Variants in DENND10 observed in about 807,000 individuals in gnomAD.
DENND10 encodes the protein DENN domain-containing protein 10.
Under a neutral mutation model 43.6 loss-of-function variants are expected in DENND10, and 24 were observed. That is an observed-to-expected ratio of 0.55 (90% CI 0.40 to 0.77). The LOEUF is 0.77. Ranked by LOEUF, DENND10 falls within the 30% of genes least tolerant of loss-of-function variation. The pLI is 0.00. For synonymous variants in DENND10, 125 were observed against 157.6 expected (o/e 0.79, Z 1.55); for missense variants, 303 against 429.9 (o/e 0.70, Z 2.61).
intron 8 of DENND10, among the ~76,000 whole-genome samples, chr10:119,135,372 A>G (rs889064771): frequency 6.6e-6 from 1 of 152,188 alleles, no homozygotes; most frequent in African/African-American, 2.4e-5. Context: ...AGTGTCCTTC[A>G]GCAGATGAAT....
intron 5 of DENND10, among the ~76,000 whole-genome samples, chr10:119,122,082 A>T (rs1361615991): frequency 6.6e-6 from 1 of 151,980 alleles, no homozygotes. Flanking sequence ...TGAGGTTAGC[A>T]GATTGCCTGA....
intron 6 of DENND10, 184 bp from the exon 7 acceptor site, chr10:119,129,331 G>T (rs1431583829): frequency 3.4e-6 from 2 of 587,682 alleles, no homozygotes; most frequent in Non-Finnish European, 6.1e-6. Flanking sequence ...ATCTGGCGTT[G>T]TGTGAATATC....
intron 5 of DENND10, among the ~76,000 whole-genome samples, chr10:119,121,749 G>A (rs115364166): frequency 0.015 from 2,316 of 151,908 alleles, 52 homozygotes; most frequent in African/African-American, 0.053. Flanking sequence ...CACTGTGCCC[G>A]GCCAGGTCCT....
At chr10:119,129,472 AT>A in intron 6 of DENND10, 42 bp from the exon 7 acceptor site, 1 of 1,322,602 alleles carries the variant, frequency 7.6e-7, no homozygotes, top group Non-Finnish European at 1.1e-6. Context: ...GGTTCACCAT[AT>A]TTCTTCCTAC....
intron 4 of DENND10, among the ~76,000 whole-genome samples, chr10:119,118,340 A>G (rs1336844325): frequency 6.6e-6 from 1 of 152,070 alleles, no homozygotes; most frequent in Non-Finnish European, 1.5e-5. Context: ...CATGGATTAC[A>G]TTTCTTTTCT....
rs1273088311 is a variant in DENND10 at position 119,137,408 on chromosome 10, A to G, written c.*761A>G. ...TAAACTAAGAAGCCCATTGAATATA[A>G]AAGTGTGTAGGACTGAAACAGTGAC... On this transcript the variant is annotated 3_prime_UTR_variant, in exon 9 of 9. Transcript: ENST00000361432. 2 of 158,594 alleles carry G rather than the reference A, an allele frequency of 1.3e-5. No individual in the cohort carries two copies. Among genetic ancestry groups the G allele is most frequent in the African/African-American group, 5.5e-5 (2 of 36,184 alleles). 9.8% of individuals were successfully genotyped at this position (158,594 alleles called of 1,614,324 possible).
At chr10:119,120,201 T>C in intron 4 of DENND10, 140 bp from the exon 5 acceptor site, 1 of 536,364 alleles carries the variant, frequency 1.9e-6, no homozygotes. Context: ...TGAGCAACTA[T>C]CTTGCCACTG....
At chr10:119,136,341 A>T in intron 8 of DENND10, 130 bp from the exon 9 acceptor site, 4 of 1,071,646 alleles carry the variant, frequency 3.7e-6, no homozygotes, top group Non-Finnish European at 5.3e-6. Context: ...GATTACAGGC[A>T]TGAGCCACCA....
chr10:119,109,119 G>A (rs1047962064), intron 2 of DENND10, among the ~76,000 whole-genome samples: 3 of 151,464 alleles, frequency 2.0e-5, no homozygotes, highest in East Asian at 3.9e-4. Context: ...GGGAGGCTGC[G>A]GCAGGAGAAT....
At chr10:119,110,475 T>G (rs1844923506) in intron 2 of DENND10, among the ~76,000 whole-genome samples, 2 of 152,040 alleles carry the variant, frequency 1.3e-5, no homozygotes, top group African/African-American at 4.8e-5. Context: ...TTTCTTTTTT[T>G]GAGACAAAGT....
chr10:119,117,536 G>C lies in DENND10; in HGVS notation c.350G>C (p.Gly117Ala). Reference protein sequence around the residue: ...RILCRMYLKHGSPVKMMESYI... With the variant: ...RILCRMYLKHASPVKMMESYI... ...TCTTACAGAATGTACCTGAAACATGGGAGCCCAGTTAAAATGATGGAGAGT... is the reference window on the plus strand; with the variant it reads ...TCTTACAGAATGTACCTGAAACATGCGAGCCCAGTTAAAATGATGGAGAGT... The change falls in exon 4 of 9, where the codon GGG (glycine) becomes GCG (alanine). Residue 117 changes from glycine (G) to alanine (A), a missense_variant. Physicochemically the swap from Gly to Ala is moderately conservative, Grantham distance 60. Coordinates refer to ENST00000361432, the MANE Select transcript of DENND10 (RefSeq NM_207009.4). 1.2e-6 allele frequency: 2 copies of C among 1,613,168 alleles called. No homozygotes were observed. Among genetic ancestry groups the C allele is most frequent in the South Asian group, 2.2e-5 (2 of 90,972 alleles).
intron 6 of DENND10, among the ~76,000 whole-genome samples, chr10:119,124,055 T>A (rs1379510831): frequency 6.6e-6 from 1 of 150,934 alleles, no homozygotes; most frequent in Non-Finnish European, 1.5e-5. Flanking sequence ...TAGCTGGGTA[T>A]GGTGGCACAT....
At chr10:119,135,468 G>T (rs1372493366) in intron 8 of DENND10, among the ~76,000 whole-genome samples, 1 of 151,994 alleles carries the variant, frequency 6.6e-6, no homozygotes, top group Non-Finnish European at 1.5e-5. Flanking sequence ...GCTTTTGTTG[G>T]GGGGGAGAAA....
rs149692494 is a variant in DENND10 at position 119,116,035 on chromosome 10, A to G, written c.333-1484A>G. ...CACCTTGGCCTCCCAAAGTGCCGTGATTACAGGCATGAGTCACTGTGCCCG... is the reference window on the plus strand; with the variant it reads ...CACCTTGGCCTCCCAAAGTGCCGTGGTTACAGGCATGAGTCACTGTGCCCG... On this transcript the variant is annotated intron_variant, in intron 3 of 8. Coordinates refer to ENST00000361432, the MANE Select transcript of DENND10 (RefSeq NM_207009.4). Among the ~76,000 whole-genome samples the G allele has an allele frequency of 4.8e-3, 736 of 152,304 alleles. 10 individuals carry two copies. Among genetic ancestry groups the G allele is most frequent in the African/African-American group, 0.017 (693 of 41,564 alleles).
intron 1 of DENND10, chr10:119,104,729 G>T (rs1427471578): frequency 6.6e-6 from 1 of 152,226 alleles, no homozygotes; most frequent in Admixed American, 6.5e-5. Context: ...GCTGGGCCGG[G>T]TGCTGCGCGT....
At chr10:119,109,232 A>G (rs1419348492) in intron 2 of DENND10, among the ~76,000 whole-genome samples, 1 of 150,894 alleles carries the variant, frequency 6.6e-6, no homozygotes, top group African/African-American at 2.4e-5. Context: ...AAAAAAAAAA[A>G]GAATTTAGAA....
chr10:119,105,582 T>C, intron 1 of DENND10: 1 of 988,004 alleles, frequency 1.0e-6, no homozygotes, highest in Admixed American at 4.5e-5. Context: ...AAGGTACTTT[T>C]GAACTAAGGC....
intron 6 of DENND10, among the ~76,000 whole-genome samples, chr10:119,125,410 A>G (rs759645905): frequency 6.6e-6 from 1 of 151,804 alleles, no homozygotes. Flanking sequence ...TACAATGTAT[A>G]ATGATTACAT....
intron 5 of DENND10, among the ~76,000 whole-genome samples, chr10:119,121,146 A>AT (rs1167006621): frequency 6.6e-6 from 1 of 151,612 alleles, no homozygotes; most frequent in Non-Finnish European, 1.5e-5. Flanking sequence ...GTTGTTAATA[A>AT]TTTTTTTGCC....
Sources: gnomAD v4.1 joint callset for allele counts (sites outside exome capture counted in the v4.1 genomes callset) on GRCh38, gnomAD v4.1.1 for gene constraint, MANE v1.5 for transcripts, NCBI Gene and HGNC (gene_info 2026-07-23, HGNC 2026-07-21) for gene names.